Variants in PDE8B observed in about 807,000 individuals in gnomAD.
PDE8B encodes the protein phosphodiesterase 8B, also known as high affinity cAMP-specific and IBMX-insensitive 3',5'-cyclic phosphodiesterase 8B.
A neutral mutation model predicts 101.3 loss-of-function variants in PDE8B; 26 were observed. The observed-to-expected ratio is 0.26, with a 90% confidence interval of 0.19 to 0.36. PDE8B has a LOEUF of 0.36. PDE8B is among the 10% of genes least tolerant of loss of function. The probability of loss-of-function intolerance (pLI) is 1.00; values close to 1 mark genes in which losing one functional copy is unlikely to be tolerated. For synonymous variants in PDE8B, 424 were observed against 429.3 expected (o/e 0.99, Z 0.15); for missense variants, 810 against 1,163.1 (o/e 0.70, Z 4.42).
intron 10 of PDE8B, among the ~76,000 whole-genome samples, chr5:77,364,811 T>C (rs1783821763): frequency 6.6e-6 from 1 of 152,106 alleles, no homozygotes; most frequent in Non-Finnish European, 1.5e-5. Flanking sequence ...AGCACTTTCA[T>C]AGCAAACACA....
At chr5:77,290,577 G>T (rs1026246624) in intron 1 of PDE8B, 4 of 1,502,444 alleles carry the variant, frequency 2.7e-6, no homozygotes, top group Non-Finnish European at 3.7e-6. Flanking sequence ...AGGAAGCTTG[G>T]TGTCTTTGGA....
At chr5:77,425,241 T>A (rs1217333709) in intron 20 of PDE8B, among the ~76,000 whole-genome samples, 1 of 152,130 alleles carries the variant, frequency 6.6e-6, no homozygotes, top group Non-Finnish European at 1.5e-5. Context: ...GATCAATGTG[T>A]CAGGAGATGC....
chr5:77,421,810 C>T lies in PDE8B; in HGVS notation c.2251-11C>T, dbSNP rs1184538280. 1 of 1,613,778 alleles carries T rather than the reference C, an allele frequency of 6.2e-7. No homozygotes were observed. On this transcript the variant is annotated splice_polypyrimidine_tract_variant and intron_variant, in intron 19 of 21. Transcript: ENST00000264917. Reference sequence around the variant, plus strand: ...CTTGAACCAAGCCTGATCTGACCATCTGTTTTCCAGATTGAAGGCAGCGAC... The same window carrying T: ...CTTGAACCAAGCCTGATCTGACCATTTGTTTTCCAGATTGAAGGCAGCGAC...
At chr5:77,304,545 T>C (rs1580911835) in intron 1 of PDE8B, among the ~76,000 whole-genome samples, 1 of 152,320 alleles carries the variant, frequency 6.6e-6, no homozygotes, top group African/African-American at 2.4e-5. Context: ...GCTATAATTT[T>C]AAAGTCAAAG....
Position 77,407,896 on chromosome 5 carries a change from G to GA in PDE8B, c.1365+440dup, listed in dbSNP as rs372858107. Reference sequence around the variant, plus strand: ...GCTTGGTAAGCAGGTGAGAGAGGAGGAGGATGTAGGTTGTACAGGGCTCAG... The same window carrying GA: ...GCTTGGTAAGCAGGTGAGAGAGGAGGAAGGATGTAGGTTGTACAGGGCTCAG... On this transcript the variant is annotated intron_variant, in intron 13 of 21. Coordinates refer to ENST00000264917, the MANE Select transcript of PDE8B (RefSeq NM_003719.5). 1.4e-3 allele frequency among the ~76,000 whole-genome samples: 208 copies of GA among 152,292 alleles called. 1 individual carries two copies. Among genetic ancestry groups the GA allele is most frequent in the African/African-American group, 4.8e-3 (200 of 41,542 alleles).
At chr5:77,281,782 G>A (rs1287438876) in intron 1 of PDE8B, among the ~76,000 whole-genome samples, 1 of 152,108 alleles carries the variant, frequency 6.6e-6, no homozygotes, top group African/African-American at 2.4e-5. Flanking sequence ...TCTTTGGAGG[G>A]TATTATTCAG....
the PDE8B span, among the ~76,000 whole-genome samples, chr5:77,108,052 A>G: frequency 6.6e-6 from 1 of 152,154 alleles, no homozygotes; most frequent in African/African-American, 2.4e-5. Context: ...CCTGGGATGC[A>G]TATATTCCTG....
Position 77,418,183 on chromosome 5 carries a change from C to T in PDE8B, c.1912-46C>T, listed in dbSNP as rs768301011. 13 of 1,259,636 alleles carry T rather than the reference C, an allele frequency of 1.0e-5. No homozygotes were observed. In the African/African-American group the frequency reaches 1.2e-4, roughly 11 times the overall value. The allele number at this position is 1,259,636 out of a possible 1,614,324, so 78.0% of individuals were successfully genotyped here. On this transcript the variant is annotated intron_variant, in intron 17 of 21. Coordinates refer to ENST00000264917, the MANE Select transcript of PDE8B (RefSeq NM_003719.5). ...CACAGACAAGGATGGATGTGGGTCT[C>T]CAAGATCCAGTGGGTAATGCTCAAC...
At position 77,210,924 on chromosome 5, in the gene PDE8B, G is replaced by C; in HGVS notation, c.-2G>C. The C allele has an allele frequency of 1.4e-6, 2 of 1,444,450 alleles. No individual in the cohort carries two copies. Among genetic ancestry groups the C allele is most frequent in the Non-Finnish European group, 1.8e-6 (2 of 1,100,826 alleles). The allele number at this position is 1,444,450 out of a possible 1,614,324, so 89.5% of individuals were successfully genotyped here. On this transcript the variant is annotated 5_prime_UTR_variant, in exon 1 of 22. Transcript: ENST00000264917. The surrounding 1 kb of genome is among the most constrained non-coding windows in gnomAD (Gnocchi z 4.9). Reference sequence around the variant, plus strand: ...GGGCGCGCGGGGGAGCCCGGCCGAGGGATGGGCTGCGCCCCCAGCATCCAT... The same window carrying C: ...GGGCGCGCGGGGGAGCCCGGCCGAGCGATGGGCTGCGCCCCCAGCATCCAT...
chr5:77,132,900 G>A, the PDE8B span, among the ~76,000 whole-genome samples: 2 of 152,234 alleles, frequency 1.3e-5, no homozygotes, highest in African/African-American at 4.8e-5. Context: ...TAGTTTAGAC[G>A]GATATGGAAT....
the PDE8B span, among the ~76,000 whole-genome samples, chr5:77,171,429 G>A: frequency 6.6e-6 from 1 of 152,214 alleles, no homozygotes; most frequent in Non-Finnish European, 1.5e-5. Flanking sequence ...ATTTGTTTCA[G>A]TTGGCACCTC....
chr5:77,358,465 G>A (rs1291715946), intron 10 of PDE8B: 4 of 984,516 alleles, frequency 4.1e-6, no homozygotes, highest in Non-Finnish European at 4.8e-6. Context: ...GTGAGTTCTC[G>A]CCTTAGGGCG....
intron 1 of PDE8B, among the ~76,000 whole-genome samples, chr5:77,260,004 A>C (rs1183722124): frequency 6.6e-6 from 1 of 152,096 alleles, no homozygotes; most frequent in East Asian, 1.9e-4. Flanking sequence ...TCTACTAAAA[A>C]TACAAAAAGA....
At chr5:77,238,047 TTTGA>T (rs1342428887) in intron 1 of PDE8B, among the ~76,000 whole-genome samples, 1 of 152,180 alleles carries the variant, frequency 6.6e-6, no homozygotes, top group Non-Finnish European at 1.5e-5. Context: ...TTTTCAGTAG[TTTGA>T]TTATGTTTCT....
intron 10 of PDE8B, among the ~76,000 whole-genome samples, chr5:77,377,908 A>C (rs923906809): frequency 2.0e-5 from 3 of 152,056 alleles, no homozygotes; most frequent in Admixed American, 6.6e-5. Context: ...TGGTTCTCAG[A>C]CTTGCAGACA....
chr5:77,326,299 C>A (rs1265206082), intron 3 of PDE8B, among the ~76,000 whole-genome samples: 1 of 152,202 alleles, frequency 6.6e-6, no homozygotes, highest in African/African-American at 2.4e-5. Flanking sequence ...TAAATAAATG[C>A]TCAGTCATAA....
chr5:77,426,529 G>A lies in PDE8B; in HGVS notation c.2633G>A (p.Ser878Asn), dbSNP rs560131193. The change falls in exon 22 of 22, where the codon AGT (serine) becomes AAT (asparagine). Residue 878 changes from serine (S) to asparagine (N), a missense_variant. By Grantham distance (46) the Ser-to-Asn change is conservative. Around this residue, in one of 4 missense-constraint regions of PDE8B, gnomAD observed 325 missense variants for 560.9 expected, o/e 0.58. Transcript: ENST00000264917. ...WKTLDDLKCKSLRLPSDS is the reference protein window; with the variant it reads ...WKTLDDLKCKNLRLPSDS The stretch of plus-strand genomic sequence containing the variant: ...ACACTAGATGACCTAAAGTGCAAAA[G>A]TTTGAGGCTTCCATCTGACAGCTAA... 1.9e-6 allele frequency: 3 copies of A among 1,611,460 alleles called. No individual in the cohort carries two copies. In the Admixed American group the frequency reaches 5.0e-5, roughly 27 times the overall value.
chr5:77,193,772 A>G, the PDE8B span, among the ~76,000 whole-genome samples: 3 of 152,188 alleles, frequency 2.0e-5, no homozygotes, highest in Admixed American at 1.3e-4. Flanking sequence ...CTGACATCTC[A>G]GCAATAAGGA....
At chr5:77,259,606 C>G (rs1050837684) in intron 1 of PDE8B, among the ~76,000 whole-genome samples, 3 of 152,160 alleles carry the variant, frequency 2.0e-5, no homozygotes, top group Non-Finnish European at 4.4e-5. Context: ...ATTTCCTCCC[C>G]ACTTCTCTAC....
Sources: allele counts gnomAD v4.1 joint callset (sites outside exome capture counted in the v4.1 genomes callset), GRCh38; gene constraint gnomAD v4.1.1; regional missense constraint gnomAD v4.1.1; non-coding constraint Gnocchi (gnomAD v3.1); transcripts MANE v1.5; gene names NCBI Gene and HGNC (gene_info 2026-07-23, HGNC 2026-07-21).